FAM171A1: variants seen among roughly 807,000 people sequenced by gnomAD.
FAM171A1 encodes the protein protein FAM171A1.
Under a neutral mutation model 74.9 loss-of-function variants are expected in FAM171A1, and 23 were observed. That is an observed-to-expected ratio of 0.31 (90% CI 0.22 to 0.44). FAM171A1 has a LOEUF of 0.44. Among genes scored for constraint, FAM171A1 ranks in the 20% least tolerant of loss-of-function variants. FAM171A1 has a pLI of 1.00. For missense variants in FAM171A1, 1,162 were observed against 1,159.2 expected (o/e 1.00, Z -0.03); for synonymous variants, 527 against 505.7 (o/e 1.04, Z -0.57).
intron 1 of FAM171A1, among the ~76,000 whole-genome samples, chr10:15,309,839 A>G (rs1342587174): frequency 6.6e-6 from 1 of 152,224 alleles, no homozygotes; most frequent in Non-Finnish European, 1.5e-5. Context: ...CTGTGCTGCT[A>G]ATATTTAAAC....
intron 1 of FAM171A1, among the ~76,000 whole-genome samples, chr10:15,350,922 TG>T (rs1390257540): frequency 6.6e-6 from 1 of 152,106 alleles, no homozygotes; most frequent in Non-Finnish European, 1.5e-5. Flanking sequence ...AGATTACAGG[TG>T]TGAGCCACCA....
intron 1 of FAM171A1, among the ~76,000 whole-genome samples, chr10:15,302,718 G>A (rs952189480): frequency 6.6e-6 from 1 of 152,156 alleles, no homozygotes; most frequent in African/African-American, 2.4e-5. Context: ...AACCCAAGGA[G>A]CAGAATTAAA....
At chr10:15,369,677 T>C (rs1440571736) in intron 1 of FAM171A1, among the ~76,000 whole-genome samples, 1 of 151,816 alleles carries the variant, frequency 6.6e-6, no homozygotes, top group Non-Finnish European at 1.5e-5. Context: ...CCCAACAGAG[T>C]GTTGGCAGAG....
chr10:15,240,943 C>G (rs1020134342), intron 5 of FAM171A1, among the ~76,000 whole-genome samples: 2 of 152,074 alleles, frequency 1.3e-5, no homozygotes, highest in Non-Finnish European at 2.9e-5. Flanking sequence ...ACTCAGGAAG[C>G]TGAGGTAGGA....
At chr10:15,320,908 G>T (rs866254575) in intron 1 of FAM171A1, among the ~76,000 whole-genome samples, 2 of 152,206 alleles carry the variant, frequency 1.3e-5, no homozygotes, top group Non-Finnish European at 2.9e-5. Context: ...AAGCAATGCA[G>T]ACAACTTTCA....
chr10:15,306,390 A>G (rs1835295545), intron 1 of FAM171A1, among the ~76,000 whole-genome samples: 1 of 151,266 alleles, frequency 6.6e-6, no homozygotes. Flanking sequence ...TTTGAGAGAC[A>G]GTCTTGCTCT....
intron 1 of FAM171A1, among the ~76,000 whole-genome samples, chr10:15,347,223 T>C (rs981665946): frequency 6.6e-5 from 10 of 152,124 alleles, no homozygotes; most frequent in South Asian, 2.1e-4. Context: ...ACAGAACTCA[T>C]AAAAATGTGC....
chr10:15,230,595 G>T (rs1834192838), intron 5 of FAM171A1, among the ~76,000 whole-genome samples: 1 of 152,116 alleles, frequency 6.6e-6, no homozygotes, highest in Admixed American at 6.5e-5. Flanking sequence ...CATTCCCTGG[G>T]TATTTTTAGG....
chr10:15,214,469 G>A lies in FAM171A1; in HGVS notation c.1119C>T (p.Phe373=), dbSNP rs1179108191. Residue 373 remains phenylalanine, a synonymous_variant, in exon 8 of 8, where the codon TTC becomes TTT. Coordinates refer to ENST00000378116, the MANE Select transcript of FAM171A1 (RefSeq NM_001010924.2). ...NLLFSRRASE[F]PGPLSVTSHG... is the part of the protein sequence containing the mutation. ...GGCTGGTGACGGACAGCGGGCCAGG[G>A]AATTCTGACGCTCGGCGTGAAAACA... 3 of 1,614,184 alleles carry A rather than the reference G, an allele frequency of 1.9e-6. No homozygotes were observed.
chr10:15,332,641 T>C (rs1835653881), intron 1 of FAM171A1, among the ~76,000 whole-genome samples: 1 of 152,246 alleles, frequency 6.6e-6, no homozygotes, highest in Admixed American at 6.5e-5. Context: ...TGCATACATG[T>C]AGCATTTCTC....
chr10:15,371,294 C>T (rs1006282857), upstream of FAM171A1, among the ~76,000 whole-genome samples: 3 of 143,884 alleles, frequency 2.1e-5, no homozygotes, highest in African/African-American at 7.4e-5. Context: ...CTCCTTAACC[C>T]CTTCCTGCCT....
intron 5 of FAM171A1, among the ~76,000 whole-genome samples, chr10:15,239,851 G>A (rs1231184226): frequency 6.6e-6 from 1 of 152,212 alleles, no homozygotes. Context: ...GACCAGAAGT[G>A]TTTTGGATTT....
chr10:15,290,622 G>A (rs191959736), intron 1 of FAM171A1, among the ~76,000 whole-genome samples: 1 of 152,180 alleles, frequency 6.6e-6, no homozygotes, highest in Non-Finnish European at 1.5e-5. Context: ...ATACTGAAGT[G>A]TCATTCTGAA....
At chr10:15,227,283 G>A (rs562515094) in intron 5 of FAM171A1, among the ~76,000 whole-genome samples, 1 of 151,834 alleles carries the variant, frequency 6.6e-6, no homozygotes, top group South Asian at 2.1e-4. Context: ...TTATAGGTGT[G>A]AGCCACTGCA....
At chr10:15,265,988 A>G (rs1834735212) in intron 3 of FAM171A1, among the ~76,000 whole-genome samples, 1 of 152,208 alleles carries the variant, frequency 6.6e-6, no homozygotes, top group Non-Finnish European at 1.5e-5. Flanking sequence ...CACAAGAGGT[A>G]GAACGACCAG....
chr10:15,291,247 G>T (rs927754499), intron 1 of FAM171A1, among the ~76,000 whole-genome samples: 2 of 152,160 alleles, frequency 1.3e-5, no homozygotes, highest in African/African-American at 2.4e-5. Context: ...GGCCTAGCTG[G>T]TACCTAGAGC....
Position 15,248,620 on chromosome 10 carries a change from G to T in FAM171A1, c.754+19C>A. Reference sequence around the variant, plus strand: ...GAAGCCATCTGGTAGCCGATTGTCGGCACAGAACTCTTGCTTACCCAGCTT... The same window carrying T: ...GAAGCCATCTGGTAGCCGATTGTCGTCACAGAACTCTTGCTTACCCAGCTT... On this transcript the variant is annotated intron_variant, in intron 5 of 7. Transcript: ENST00000378116. 1 of 1,584,044 alleles carries T rather than the reference G, an allele frequency of 6.3e-7. No individual in the cohort carries two copies. Among genetic ancestry groups the T allele is most frequent in the Non-Finnish European group, 8.6e-7 (1 of 1,163,544 alleles).
At chr10:15,309,403 T>A (rs1050804230) in intron 1 of FAM171A1, among the ~76,000 whole-genome samples, 1 of 152,248 alleles carries the variant, frequency 6.6e-6, no homozygotes, top group Non-Finnish European at 1.5e-5. Context: ...AGATGGGGTC[T>A]CACTATGTTG....
intron 1 of FAM171A1, among the ~76,000 whole-genome samples, chr10:15,362,632 G>T (rs532606969): frequency 1.3e-5 from 2 of 152,336 alleles, no homozygotes. Context: ...GCTGAGGCAG[G>T]GGAATCTCTT....
Sources: allele counts gnomAD v4.1 joint callset (sites outside exome capture counted in the v4.1 genomes callset), GRCh38; gene constraint gnomAD v4.1.1; transcripts MANE v1.5; gene names NCBI Gene and HGNC (gene_info 2026-07-23, HGNC 2026-07-21).